The following ERI1 variants were observed in gnomAD, a reference collection of about 807,000 sequenced individuals.
ERI1 encodes the protein 3'-5' exoribonuclease 1.
Under a neutral mutation model 39.7 loss-of-function variants are expected in ERI1, and 39 were observed. The ratio of observed to expected loss-of-function variants is 0.98; its 90% CI spans 0.76 to 1.28. The LOEUF (loss-of-function observed/expected upper bound fraction) is 1.28, where lower values mean the gene tolerates loss of function less well. ERI1 is among the 50% of genes most tolerant of loss of function. ERI1 has a pLI of 0.00. For synonymous variants in ERI1, 204 were observed against 149.6 expected (o/e 1.36, Z -2.65); for missense variants, 581 against 416.9 (o/e 1.39, Z -3.43).
chr8:9,008,640 G>A (rs1297175885), intron 2 of ERI1, among the ~76,000 whole-genome samples: 1 of 152,180 alleles, frequency 6.6e-6, no homozygotes, highest in East Asian at 1.9e-4. Flanking sequence ...TATATTGAGT[G>A]AGAAAACAAT....
intron 3 of ERI1, among the ~76,000 whole-genome samples, chr8:9,074,592 C>CT (rs2117435655): frequency 1.3e-5 from 2 of 152,196 alleles, no homozygotes; most frequent in South Asian, 4.2e-4. Flanking sequence ...CAGGTATATA[C>CT]TATTATGCCC....
chr8:9,059,432 C>T (rs1444252592), intron 3 of ERI1, among the ~76,000 whole-genome samples: 32 of 151,448 alleles, frequency 2.1e-4, no homozygotes, highest in Non-Finnish European at 2.9e-5. Context: ...AGGGCTGCTT[C>T]GAGCAGGATT....
chr8:9,032,284 G>C lies in ERI1; in HGVS notation c.*2250G>C, dbSNP rs991159165. The C allele has an allele frequency of 1.3e-5, 2 of 152,050 alleles. No homozygotes were observed. Among genetic ancestry groups the C allele is most frequent in the Non-Finnish European group, 2.9e-5 (2 of 68,014 alleles). 9.4% of individuals were successfully genotyped at this position (152,050 alleles called of 1,614,324 possible). A position where few individuals can be genotyped will look rare whatever the true frequency, so the allele number is the denominator to read the frequency against. Reference sequence around the variant, plus strand: ...ATTCTATTATTGTTTCTTATTAATAGTTACTTAGTATTTACAAACAATTTA... The same window carrying C: ...ATTCTATTATTGTTTCTTATTAATACTTACTTAGTATTTACAAACAATTTA... On this transcript the variant is annotated 3_prime_UTR_variant, in exon 7 of 7. Transcript: ENST00000250263.
At chr8:9,047,672 C>G (rs1798217530) in intron 3 of ERI1, among the ~76,000 whole-genome samples, 2 of 152,088 alleles carry the variant, frequency 1.3e-5, no homozygotes, top group Admixed American at 6.5e-5. Flanking sequence ...GCACTCCAGC[C>G]TGGGCAACAG....
chr8:9,043,156 ACTT>A (rs1288680795), intron 3 of ERI1, among the ~76,000 whole-genome samples: 2 of 152,200 alleles, frequency 1.3e-5, no homozygotes, highest in East Asian at 3.8e-4. Context: ...GTGTTATTCT[ACTT>A]CTTCGTGTAT....
intron 3 of ERI1, among the ~76,000 whole-genome samples, chr8:9,060,021 G>C (rs1361406026): frequency 6.6e-6 from 1 of 152,188 alleles, no homozygotes; most frequent in Non-Finnish European, 1.5e-5. Flanking sequence ...AGAAGGGAAA[G>C]TGGTAAAAGT....
intron 3 of ERI1, among the ~76,000 whole-genome samples, chr8:9,015,645 C>T (rs35916854): frequency 7.1e-6 from 1 of 140,038 alleles, no homozygotes; most frequent in East Asian, 2.0e-4. Context: ...TGGCGTGAAC[C>T]TGGGAGGCGG....
intron 3 of ERI1, among the ~76,000 whole-genome samples, chr8:9,038,476 A>G (rs1797919875): frequency 6.6e-6 from 1 of 152,242 alleles, no homozygotes; most frequent in African/African-American, 2.4e-5. Context: ...AAAATTATAT[A>G]TGGCTGAGTG....
chr8:9,003,714 G>C (rs967479530), intron 1 of ERI1, among the ~76,000 whole-genome samples: 1 of 152,164 alleles, frequency 6.6e-6, no homozygotes, highest in African/African-American at 2.4e-5. Flanking sequence ...ACATCTCATC[G>C]GTTGAACTTA....
At chr8:9,056,751 T>C (rs550073597) in intron 3 of ERI1, among the ~76,000 whole-genome samples, 1 of 152,344 alleles carries the variant, frequency 6.6e-6, no homozygotes, top group Admixed American at 6.5e-5. Context: ...AATACTTCCC[T>C]GATTACTTTT....
chr8:9,070,859 AT>A (rs1215208678), intron 3 of ERI1, among the ~76,000 whole-genome samples: 1 of 152,114 alleles, frequency 6.6e-6, no homozygotes, highest in East Asian at 1.9e-4. Flanking sequence ...TTTCCTCAGC[AT>A]TTTTGCAGCC....
chr8:9,057,064 C>T (rs1005295048), intron 3 of ERI1, among the ~76,000 whole-genome samples: 1 of 152,142 alleles, frequency 6.6e-6, no homozygotes, highest in Non-Finnish European at 1.5e-5. Context: ...AACTCCTGAC[C>T]TCAAGTGATC....
chr8:9,069,454 A>G (rs1174239346), intron 3 of ERI1, among the ~76,000 whole-genome samples: 1 of 152,208 alleles, frequency 6.6e-6, no homozygotes, highest in Admixed American at 6.5e-5. Context: ...TTCCCTGACA[A>G]TGCTGGATGG....
intron 3 of ERI1, among the ~76,000 whole-genome samples, chr8:9,078,835 T>C (rs1020684511): frequency 6.6e-6 from 1 of 152,164 alleles, no homozygotes; most frequent in African/African-American, 2.4e-5. Context: ...TCTTTTGTTT[T>C]TGTGGGGCCC....
intron 3 of ERI1, among the ~76,000 whole-genome samples, chr8:9,062,494 G>A (rs1051498896): frequency 1.3e-5 from 2 of 149,536 alleles, no homozygotes; most frequent in African/African-American, 4.9e-5. Flanking sequence ...GAGTTGGGGA[G>A]TTTTAAGAGG....
At chr8:9,085,905 T>A (rs1274657980) in intron 3 of ERI1, among the ~76,000 whole-genome samples, 1 of 152,122 alleles carries the variant, frequency 6.6e-6, no homozygotes, top group Non-Finnish European at 1.5e-5. Flanking sequence ...GAGGACAAAT[T>A]TAGCAAACTC....
At chr8:9,058,329 T>A (rs1222253855) in intron 3 of ERI1, among the ~76,000 whole-genome samples, 3 of 152,200 alleles carry the variant, frequency 2.0e-5, no homozygotes, top group Non-Finnish European at 4.4e-5. Context: ...GGTTGCTATG[T>A]GCCCCATGGT....
intron 3 of ERI1, among the ~76,000 whole-genome samples, chr8:9,051,547 C>T (rs1352615996): frequency 6.6e-6 from 1 of 151,802 alleles, no homozygotes; most frequent in Non-Finnish European, 1.5e-5. Flanking sequence ...GTTCCAGCTA[C>T]TTGGGAGGCT....
chr8:9,019,097 C>G lies in ERI1; in HGVS notation c.692+691C>G, dbSNP rs146800388. On this transcript the variant is annotated intron_variant, in intron 5 of 6. Coordinates refer to ENST00000250263, the MANE Select transcript of ERI1 (RefSeq NM_153332.4). ...CCTAATAATCTTCCATAATGCTTACCTTAGTGCTGAGCTTAAAGTGTATGC... is the reference window on the plus strand; with the variant it reads ...CCTAATAATCTTCCATAATGCTTACGTTAGTGCTGAGCTTAAAGTGTATGC... Among the ~76,000 whole-genome samples, 123 of 152,252 alleles carry G rather than the reference C, an allele frequency of 8.1e-4. 2 individuals are homozygous for G. The highest frequency in any genetic ancestry group is 2.8e-3 in the African/African-American group (115 of 41,542).
Sources: allele counts gnomAD v4.1 joint callset (sites outside exome capture counted in the v4.1 genomes callset), GRCh38; gene constraint gnomAD v4.1.1; transcripts MANE v1.5; gene names NCBI Gene and HGNC (gene_info 2026-07-23, HGNC 2026-07-21).